The following CNOT2 variants were observed in gnomAD, a reference collection of about 807,000 sequenced individuals.
CNOT2 encodes the protein CCR4-NOT transcription complex subunit 2.
CNOT2 carries 7 observed loss-of-function variants against 72.1 expected under a neutral mutation model. The ratio of observed to expected loss-of-function variants is 0.10; its 90% CI spans 0.06 to 0.18. CNOT2 has a LOEUF of 0.18. CNOT2 is among the 10% of genes least tolerant of loss of function. The pLI is 1.00. For synonymous variants in CNOT2, 196 were observed against 225.6 expected, an observed-to-expected ratio of 0.87 and a Z score of 1.17; for missense variants, 345 against 660.3, an observed-to-expected ratio of 0.52 and a Z score of 5.23.
chr12:70,329,584 G>C lies in CNOT2; in HGVS notation c.386+14G>C, dbSNP rs766711761. On this transcript the variant is annotated intron_variant, in intron 5 of 15. Coordinates refer to ENST00000229195, the MANE Select transcript of CNOT2 (RefSeq NM_014515.7). ...ATCTCCAAGCAGGTATTTATTGATG[G>C]ACCAGAATATTTTTCAAAATGTATC... 1.3e-6 allele frequency: 2 copies of C among 1,584,766 alleles called. No individual in the cohort carries two copies. The highest frequency in any genetic ancestry group is 4.5e-5 in the East Asian group (2 of 44,682).
rs531698848 is a variant in CNOT2, at chr12:70,346,682, C to T, written c.1536+358C>T. The T allele has an allele frequency of 6.2e-5, 10 of 160,882 alleles. No individual in the cohort carries two copies. In the East Asian group the frequency reaches 1.8e-3, roughly 29 times the overall value. 10.0% of individuals were successfully genotyped at this position (160,882 alleles called of 1,614,324 possible). A position where few individuals can be genotyped will look rare whatever the true frequency, so the allele number is the denominator to read the frequency against. On this transcript the variant is annotated intron_variant, in intron 15 of 15. Coordinates refer to ENST00000229195, the MANE Select transcript of CNOT2 (RefSeq NM_014515.7). ...AGCAAGGATGAGATTTTTCTAAAAGCAGTATATAAACAGGCTTTTTACACT... is the reference window on the plus strand; with the variant it reads ...AGCAAGGATGAGATTTTTCTAAAAGTAGTATATAAACAGGCTTTTTACACT...
intron 2 of CNOT2, among the ~76,000 whole-genome samples, chr12:70,296,248 C>T (rs1285689873): frequency 6.6e-6 from 1 of 151,870 alleles, no homozygotes; most frequent in Non-Finnish European, 1.5e-5. Flanking sequence ...TTTCTGTAAA[C>T]CTTGGAAAGG....
intron 3 of CNOT2, among the ~76,000 whole-genome samples, chr12:70,317,611 ATTTTTTTT>A (rs529433652): frequency 9.5e-6 from 1 of 105,456 alleles, no homozygotes; most frequent in African/African-American, 3.7e-5. Context: ...ATAAGGTTTG[ATTTTTTTT>A]TTTTTTTTTT....
chr12:70,262,298 G>C (rs2135741392), intron 1 of CNOT2, among the ~76,000 whole-genome samples: 1 of 152,210 alleles, frequency 6.6e-6, no homozygotes, highest in South Asian at 2.1e-4. Flanking sequence ...GTTTGAGACG[G>C]AGTCTCGCTC....
At chr12:70,330,512 A>G (rs1388079323) in intron 6 of CNOT2, 43 bp downstream of exon 6, 2 of 1,432,414 alleles carry the variant, frequency 1.4e-6, no homozygotes, top group Admixed American at 1.9e-5. Flanking sequence ...CTTTCTGGGT[A>G]TACTCAGATT....
rs1000222933 is a variant in CNOT2 at position 70,317,772 on chromosome 12, A to C, written c.172-1526A>C. On this transcript the variant is annotated intron_variant, in intron 3 of 15. Coordinates refer to ENST00000229195, the MANE Select transcript of CNOT2 (RefSeq NM_014515.7). Reference sequence around the variant, plus strand: ...AAAAAATTTTGCAAACTTTAGTATAATTGAAACAACTTAGAATTTTGACAT... The same window carrying C: ...AAAAAATTTTGCAAACTTTAGTATACTTGAAACAACTTAGAATTTTGACAT... 2.6e-5 allele frequency among the ~76,000 whole-genome samples: 4 copies of C among 151,876 alleles called. No individual in the cohort carries two copies. In the East Asian group the frequency reaches 7.7e-4, roughly 29 times the overall value.
chr12:70,273,189 C>G (rs1010240485), intron 1 of CNOT2, among the ~76,000 whole-genome samples: 10 of 152,140 alleles, frequency 6.6e-5, no homozygotes, highest in Admixed American at 5.9e-4. Flanking sequence ...TACTTTGTCT[C>G]CAGTTTCTCT....
At chr12:70,249,668 G>A (rs1958044310) in intron 1 of CNOT2, among the ~76,000 whole-genome samples, 1 of 152,036 alleles carries the variant, frequency 6.6e-6, no homozygotes, top group Admixed American at 6.5e-5. Context: ...TGAAAGACAA[G>A]CAGCAGTAGG....
chr12:70,327,122 G>C (rs749398826), intron 4 of CNOT2, among the ~76,000 whole-genome samples: 28 of 151,770 alleles, frequency 1.8e-4, no homozygotes, highest in Non-Finnish European at 3.8e-4. Flanking sequence ...CCTTTTGTAG[G>C]GCTTAACGAT....
chr12:70,293,936 T>TAAA, intron 2 of CNOT2: 6 of 215,654 alleles, frequency 2.8e-5, no homozygotes, highest in East Asian at 2.4e-4. Flanking sequence ...TTTTTTTTTT[T>TAAA]TTTTAAACTT....
At chr12:70,344,268 G>A in intron 14 of CNOT2, 40 bp downstream of exon 14, 2 of 1,238,080 alleles carry the variant, frequency 1.6e-6, no homozygotes, top group Non-Finnish European at 2.4e-6. Flanking sequence ...TATTATAGTG[G>A]ATCTTGACTA....
intron 2 of CNOT2, among the ~76,000 whole-genome samples, chr12:70,289,210 T>C (rs951595285): frequency 3.3e-5 from 5 of 152,130 alleles, no homozygotes; most frequent in African/African-American, 1.2e-4. Context: ...TATTTGTAAA[T>C]ATACTTTCAC....
chr12:70,259,312 C>T (rs1958623687), intron 1 of CNOT2, among the ~76,000 whole-genome samples: 1 of 136,236 alleles, frequency 7.3e-6, no homozygotes, highest in Admixed American at 7.0e-5. Context: ...TCATGCAGGG[C>T]TTATTTTTTT....
intron 2 of CNOT2, chr12:70,297,723 C>A: frequency 2.9e-6 from 1 of 344,844 alleles, no homozygotes. Flanking sequence ...TGAAGCCCTC[C>A]TTGGATAATA....
At chr12:70,350,401 G>A (rs888448470) in intron 15 of CNOT2, among the ~76,000 whole-genome samples, 19 of 152,096 alleles carry the variant, frequency 1.2e-4, no homozygotes, top group Non-Finnish European at 8.8e-5. Context: ...TTAGTAATGT[G>A]TACTTTTCTT....
At chr12:70,346,550 G>T in intron 15 of CNOT2, 1 of 376,460 alleles carries the variant, frequency 2.7e-6, no homozygotes, top group Admixed American at 4.4e-5. Flanking sequence ...TTGTAATTTT[G>T]CATAAGCCTT....
Position 70,344,197 on chromosome 12 carries a change from G to A in CNOT2, c.1360G>A (p.Asp454Asn). The A allele has an allele frequency of 1.2e-6, 2 of 1,611,986 alleles. No individual in the cohort carries two copies. The highest frequency in any genetic ancestry group is 1.7e-6 in the Non-Finnish European group (2 of 1,178,280). The change falls in exon 14 of 16, where the codon GAC (aspartate) becomes AAC (asparagine). Residue 454 changes from aspartate (D) to asparagine (N), a missense_variant. Coordinates refer to ENST00000229195, the MANE Select transcript of CNOT2 (RefSeq NM_014515.7). ...LFYLYYMNGG[D>N]VLQLLAAVEL... ...CTATCTCTATTACATGAATGGAGGA[G>A]ACGTATTACAACTTTTAGCTGCAGT...
intron 2 of CNOT2, among the ~76,000 whole-genome samples, chr12:70,289,705 C>G (rs1345134769): frequency 6.6e-6 from 1 of 152,090 alleles, no homozygotes; most frequent in African/African-American, 2.4e-5. Flanking sequence ...TTTTCTTCAG[C>G]ATGCCAATTA....
At chr12:70,262,604 C>A (rs1323973820) in intron 1 of CNOT2, among the ~76,000 whole-genome samples, 1 of 152,156 alleles carries the variant, frequency 6.6e-6, no homozygotes, top group Non-Finnish European at 1.5e-5. Context: ...ATCAGTCTGT[C>A]AAGTTTGCTA....
Sources: allele counts gnomAD v4.1 joint callset (sites outside exome capture counted in the v4.1 genomes callset), GRCh38; gene constraint gnomAD v4.1.1; transcripts MANE v1.5; gene names NCBI Gene and HGNC (gene_info 2026-07-23, HGNC 2026-07-21).